The following GPR137 variants were observed in gnomAD, a reference collection of about 807,000 sequenced individuals.
GPR137 encodes the protein G protein-coupled receptor 137.
In GPR137, 20 loss-of-function variants were observed where a neutral mutation model predicts 38.9. That is an observed-to-expected ratio of 0.51 (90% CI 0.36 to 0.75). The LOEUF (loss-of-function observed/expected upper bound fraction) is 0.75, where lower values mean the gene tolerates loss of function less well. GPR137 is among the 30% of genes least tolerant of loss of function. The pLI, the probability that GPR137 is intolerant of heterozygous loss-of-function variation, is 0.00. For missense variants in GPR137, 456 were observed against 526.4 expected (o/e 0.87, Z 1.31); for synonymous variants, 226 against 235.8 (o/e 0.96, Z 0.38).
chr11:64,273,855 CAAAAAAA>C (rs34577596), upstream of GPR137, among the ~76,000 whole-genome samples: 13 of 54,836 alleles, frequency 2.4e-4, no homozygotes, highest in Non-Finnish European at 2.8e-4. Context: ...GCACCCATCT[CAAAAAAA>C]AAAAAAAAAA....
Position 64,278,089 on chromosome 11 carries a change from A to C in GPR137, c.-16+1668A>C, listed in dbSNP as rs568162479. ...GACTGCTTGAGGCCAGGAGTTCGAGACCAGCCTGAGCAACACAGAAAGACC... is the reference window on the plus strand; with the variant it reads ...GACTGCTTGAGGCCAGGAGTTCGAGCCCAGCCTGAGCAACACAGAAAGACC... On this transcript the variant is annotated intron_variant, in intron 2 of 2. Coordinates refer to the GPR137 transcript ENST00000538244. Among the ~76,000 whole-genome samples, 3 of 152,270 alleles carry C rather than the reference A, an allele frequency of 2.0e-5. No individual in the cohort carries two copies. The East Asian group carries it at 5.8e-4, about 29-fold the overall frequency.
chr11:64,277,221 G>A (rs2033135425), intron 2 of GPR137, among the ~76,000 whole-genome samples: 1 of 152,174 alleles, frequency 6.6e-6, no homozygotes, highest in South Asian at 2.1e-4. Flanking sequence ...ACAATCTGCT[G>A]CCGGGGGAGG....
chr11:64,287,515 A>T, intron 2 of GPR137: 1 of 651,876 alleles, frequency 1.5e-6, no homozygotes, highest in Non-Finnish European at 1.9e-6. Context: ...TTCTGACTCC[A>T]GTTGGTGCAC....
At chr11:64,284,691 T>C (rs755069330), upstream of GPR137, 32 of 1,535,372 alleles carry the variant, frequency 2.1e-5, no homozygotes, top group Non-Finnish European at 2.7e-5. Flanking sequence ...CACCCCGGGC[T>C]CCGGGCCCTA....
intron 2 of GPR137, chr11:64,287,498 C>G (rs2034230456): frequency 4.8e-6 from 3 of 622,114 alleles, no homozygotes; most frequent in Admixed American, 6.3e-5. Flanking sequence ...GGGGCTCAGA[C>G]AGAGACTTCT....
upstream of GPR137, among the ~76,000 whole-genome samples, chr11:64,274,199 T>TG (rs1288693616): frequency 2.4e-4 from 36 of 149,748 alleles, no homozygotes; most frequent in Non-Finnish European, 3.4e-4. Context: ...GAGACCATCC[T>TG]AACACGGTGA....
upstream of GPR137, among the ~76,000 whole-genome samples, chr11:64,281,584 C>A (rs767849109): frequency 3.3e-5 from 5 of 152,220 alleles, no homozygotes; most frequent in Admixed American, 3.3e-4. Flanking sequence ...GCCCTCGAGG[C>A]CTTACCATCT....
chr11:64,285,740 C>T, upstream of GPR137: 1 of 985,370 alleles, frequency 1.0e-6, no homozygotes, highest in Non-Finnish European at 1.2e-6. Context: ...CGCGCCAATT[C>T]TCGTACGGTT....
At position 64,288,434 on chromosome 11, in the gene GPR137, G is replaced by A; in HGVS notation, c.878G>A (p.Gly293Asp). The A allele has an allele frequency of 6.2e-7, 1 of 1,613,582 alleles. No individual in the cohort carries two copies. Among genetic ancestry groups the A allele is most frequent in the Non-Finnish European group, 8.5e-7 (1 of 1,179,994 alleles). Reference protein sequence around the residue: ...WELLPTTLLVGFFRVHRPPQD... With the variant: ...WELLPTTLLVDFFRVHRPPQD... The stretch of plus-strand genomic sequence containing the variant: ...CTACTGCCCACCACCCTGCTGGTGG[G>A]CTTCTTCCGGGTGCACCGGCCCCCA... The change falls in exon 5 of 7, where the codon GGC becomes GAC. Residue 293 changes from glycine (G) to aspartate (D), a missense_variant. Gly to Asp is a moderately conservative substitution (Grantham distance 94). Coordinates refer to ENST00000438980, the MANE Select transcript of GPR137 (RefSeq NM_001170880.2). The surrounding 1 kb of genome is among the most constrained non-coding windows in gnomAD (Gnocchi z 5.5).
intron 2 of GPR137, 78 bp from the exon 3 acceptor site, chr11:64,287,643 G>A: frequency 6.3e-7 from 1 of 1,585,462 alleles, no homozygotes; most frequent in East Asian, 2.2e-5. Flanking sequence ...TCGACATTGG[G>A]GTTTCCTGCA....
At chr11:64,284,801 C>G (rs572555375), upstream of GPR137, 1 of 1,524,896 alleles carries the variant, frequency 6.6e-7, no homozygotes. Flanking sequence ...CCCGGCCCCG[C>G]CCCCCCGCCG....
chr11:64,273,246 G>T (rs998664462), upstream of GPR137, among the ~76,000 whole-genome samples: 1 of 152,132 alleles, frequency 6.6e-6, no homozygotes, highest in Admixed American at 6.6e-5. Context: ...GGTGGTTCAC[G>T]CCTGTAGTCC....
upstream of GPR137, chr11:64,285,090 C>G (rs2033801361): frequency 9.3e-7 from 1 of 1,076,506 alleles, no homozygotes; most frequent in Non-Finnish European, 1.1e-6. Context: ...GGCACAGCCA[C>G]AACTGAAGCT....
In GPR137 at chr11:64,288,539, G is replaced by T; in HGVS notation, c.913-64G>T. 6.2e-7 allele frequency: 1 copy of T among 1,613,132 alleles called. No individual in the cohort carries two copies. The highest frequency in any genetic ancestry group is 8.5e-7 in the Non-Finnish European group (1 of 1,179,592). Reference sequence around the variant, plus strand: ...TGTTGCAAATCCTGGGTTGGAGTCTGGGGTTGGGCCTGGGAGGCCAGTGCA... The same window carrying T: ...TGTTGCAAATCCTGGGTTGGAGTCTTGGGTTGGGCCTGGGAGGCCAGTGCA... On this transcript the variant is annotated intron_variant, in intron 5 of 6. Coordinates refer to ENST00000438980, the MANE Select transcript of GPR137 (RefSeq NM_001170880.2). The surrounding 1 kb of genome is among the most constrained non-coding windows in gnomAD (Gnocchi z 5.5).
chr11:64,284,295 C>T (rs775688969), upstream of GPR137: 4 of 1,612,086 alleles, frequency 2.5e-6, no homozygotes, highest in East Asian at 2.2e-5. Flanking sequence ...CCCTGCGGGG[C>T]TGGGGCCCAG....
chr11:64,278,597 C>T (rs907743430), intron 2 of GPR137, among the ~76,000 whole-genome samples: 1 of 152,126 alleles, frequency 6.6e-6, no homozygotes, highest in Non-Finnish European at 1.5e-5. Context: ...AGTTAATTAA[C>T]CTGCTCAAGC....
Position 64,289,209 on chromosome 11 carries a change from C to A in GPR137, c.*13C>A. The A allele has an allele frequency of 1.2e-6, 2 of 1,610,432 alleles. No individual in the cohort carries two copies. Among genetic ancestry groups the A allele is most frequent in the Non-Finnish European group, 1.7e-6 (2 of 1,176,926 alleles). On this transcript the variant is annotated 3_prime_UTR_variant, in exon 7 of 7. Transcript: ENST00000438980. The stretch of plus-strand genomic sequence containing the variant: ...CCCACAGACGTGATCCCCCTCCCTC[C>A]CCCACAGAATACCCAGGCCCCAGTC...
chr11:64,274,500 CA>C (rs1235607548), upstream of GPR137, among the ~76,000 whole-genome samples: 13 of 151,870 alleles, frequency 8.6e-5, no homozygotes, highest in Admixed American at 3.3e-4. Context: ...CAGCCTGACC[CA>C]ACATGGCAAA....
At position 64,289,203 on chromosome 11, in the gene GPR137, TCCCTCCCCCA is replaced by T; in HGVS notation, c.*9_*18del. 7.0e-7 allele frequency: 1 copy of T among 1,419,892 alleles called. No homozygotes were observed. The highest frequency in any genetic ancestry group is 9.8e-7 in the Non-Finnish European group (1 of 1,024,748). 88.0% of individuals were successfully genotyped at this position (1,419,892 alleles called of 1,614,324 possible). ...CTCCACCCCACAGACGTGATCCCCC[TCCCTCCCCCA>T]CAGAATACCCAGGCCCCAGTCCCCC... On this transcript the variant is annotated 3_prime_UTR_variant, in exon 7 of 7. Coordinates refer to ENST00000438980, the MANE Select transcript of GPR137 (RefSeq NM_001170880.2).
Sources: allele counts gnomAD v4.1 joint callset (sites outside exome capture counted in the v4.1 genomes callset), GRCh38; gene constraint gnomAD v4.1.1; non-coding constraint Gnocchi (gnomAD v3.1); transcripts MANE v1.5; gene names NCBI Gene and HGNC (gene_info 2026-07-23, HGNC 2026-07-21).